The following ENO4 variants were observed in gnomAD, a reference collection of about 807,000 sequenced individuals.
ENO4 encodes 2-phospho-D-glycerate hydro-lyase.
Under a neutral mutation model 63.2 loss-of-function variants are expected in ENO4, and 53 were observed. That is an observed-to-expected ratio of 0.84 (90% CI 0.67 to 1.05). The LOEUF (loss-of-function observed/expected upper bound fraction) is 1.05. ENO4 is among the 50% of genes least tolerant of loss of function. The pLI, the probability that ENO4 is intolerant of heterozygous loss-of-function variation, is 0.00. For synonymous variants in ENO4, 266 were observed against 283.8 expected (o/e 0.94, Z 0.63); for missense variants, 719 against 772.0 (o/e 0.93, Z 0.81).
chr10:116,911,566 A>C (rs1010984739), exon 11 of ENO4: 3 of 1,550,818 alleles, frequency 1.9e-6, no homozygotes, highest in Non-Finnish European at 2.6e-6. Context: ...CTTTGGTGAA[A>C]GTGTAACCAC....
At position 116,860,871 on chromosome 10, in the gene ENO4, ATAGGGGC is replaced by A. The variant is rs1846390833; in HGVS notation, c.713_719del (p.Ile238ThrfsTer4). 1 of 1,549,852 alleles carries A rather than the reference ATAGGGGC, an allele frequency of 6.5e-7. No individual in the cohort carries two copies. The highest frequency in any genetic ancestry group is 8.7e-7 in the Non-Finnish European group (1 of 1,146,504). ...GCCTGTACTCAGTGGCAGTATGGCC[ATAGGGGC>A]CGTGTCACTAGCTGTTGCCAAAGCC... is the stretch of plus-strand genomic sequence containing the variant. On this transcript the variant is annotated frameshift_variant, in exon 5 of 14. Transcript: ENST00000341276. LOFTEE classifies it high-confidence loss of function.
Position 116,859,012 on chromosome 10 carries a change from CAAG to C in ENO4, c.513_515del (p.Glu171del). On this transcript the variant is annotated inframe_deletion, in exon 4 of 14. Transcript: ENST00000341276. ...AAGGATATTCTTCGCAAGTAAAGTA[CAAG>C]AAGATAAGGGGAGAAAAGAATTGGA... 1 of 1,534,828 alleles carries C rather than the reference CAAG, an allele frequency of 6.5e-7. No individual in the cohort carries two copies. Among genetic ancestry groups the C allele is most frequent in the Non-Finnish European group, 8.7e-7 (1 of 1,146,198 alleles).
downstream of ENO4, chr10:116,886,656 C>A: frequency 6.5e-7 from 1 of 1,542,426 alleles, no homozygotes; most frequent in Non-Finnish European, 8.8e-7. Flanking sequence ...AACATAAAAC[C>A]CAAAATGTTC....
At chr10:116,861,974 G>A (rs1399853904) in intron 6 of ENO4, among the ~76,000 whole-genome samples, 1 of 152,152 alleles carries the variant, frequency 6.6e-6, no homozygotes, top group Non-Finnish European at 1.5e-5. Flanking sequence ...CTGGTGTCAG[G>A]ATCTTTCCTT....
rs550364224 is a variant in ENO4, at chr10:116,862,932, T to A, written c.990+80T>A. 30 of 983,200 alleles carry A rather than the reference T, an allele frequency of 3.1e-5. No homozygotes were observed. In the African/African-American group the frequency reaches 4.7e-4, roughly 15 times the overall value. The allele number at this position is 983,200 out of a possible 1,614,324, so 60.9% of individuals were successfully genotyped here. A position where few individuals can be genotyped will look rare whatever the true frequency, so the allele number is the denominator to read the frequency against. ...ATGCAACTTGTAGTTCATTTGGACT[T>A]AAATCAATTGTGGTTGATATGGAGA... On this transcript the variant is annotated intron_variant, in intron 7 of 13. Coordinates refer to ENST00000341276, the MANE Select transcript of ENO4 (RefSeq NM_001242699.2).
chr10:116,862,273 G>A (rs1276810633), intron 6 of ENO4, among the ~76,000 whole-genome samples: 1 of 151,990 alleles, frequency 6.6e-6, no homozygotes, highest in African/African-American at 2.4e-5. Flanking sequence ...AGACCAGCCT[G>A]GCCAACATGG....
At chr10:116,863,356 T>TCACACA (rs10646641) in intron 7 of ENO4, among the ~76,000 whole-genome samples, 66,579 of 147,148 alleles carry the variant, frequency 0.45, 15,324 homozygotes, top group Non-Finnish European at 0.53. Flanking sequence ...CTGTGGGGCT[T>TCACACA]CACACACACA....
intron 11 of ENO4, 29 bp from the exon 12 acceptor site, chr10:116,879,262 T>A (rs1206567375): frequency 6.6e-7 from 1 of 1,518,016 alleles, no homozygotes; most frequent in East Asian, 2.5e-5. Context: ...TTCTACACCA[T>A]ATAAAACTGA....
chr10:116,897,906 C>G (rs1194854070), intron 10 of ENO4, among the ~76,000 whole-genome samples: 1 of 152,134 alleles, frequency 6.6e-6, no homozygotes, highest in Non-Finnish European at 1.5e-5. Flanking sequence ...TGTTACTCCC[C>G]CTCCCGTCTA....
At chr10:116,900,580 A>T in intron 10 of ENO4, 1 of 1,532,232 alleles carries the variant, frequency 6.5e-7, no homozygotes, top group Non-Finnish European at 8.7e-7. Flanking sequence ...ATACACACAC[A>T]CTGAAGCATT....
At chr10:116,872,617 TTTAC>T (rs751017343) in intron 9 of ENO4, among the ~76,000 whole-genome samples, 4 of 152,180 alleles carry the variant, frequency 2.6e-5, no homozygotes, top group Non-Finnish European at 5.9e-5. Context: ...ACCTCTTTCC[TTTAC>T]AAATTACTCA....
At chr10:116,902,054 G>A (rs553301322) in intron 10 of ENO4, 1 of 1,091,140 alleles carries the variant, frequency 9.2e-7, no homozygotes. Context: ...CTCAAGAAGT[G>A]AAAAGGCCAA....
intron 10 of ENO4, chr10:116,911,367 T>C (rs2133346572): frequency 8.2e-7 from 1 of 1,212,546 alleles, no homozygotes; most frequent in East Asian, 2.6e-5. Flanking sequence ...ACTGTGACCC[T>C]GATATGAAGC....
chr10:116,905,208 CAAAA>C (rs772309175), intron 10 of ENO4, among the ~76,000 whole-genome samples: 1 of 63,416 alleles, frequency 1.6e-5, no homozygotes. Context: ...GACTCCGTCT[CAAAA>C]AAAAAAAAAA....
At chr10:116,896,966 C>G (rs753541953) in intron 10 of ENO4, among the ~76,000 whole-genome samples, 11 of 152,104 alleles carry the variant, frequency 7.2e-5, no homozygotes, top group Non-Finnish European at 1.5e-4. Flanking sequence ...GCCACCACAC[C>G]CAACTAATTT....
chr10:116,893,520 GTTT>G (rs1847405484), intron 10 of ENO4, among the ~76,000 whole-genome samples: 1 of 143,778 alleles, frequency 7.0e-6, no homozygotes, highest in African/African-American at 2.6e-5. Flanking sequence ...AGAAACAAAT[GTTT>G]ACTAAGTACA....
chr10:116,883,919 G>GAA, downstream of ENO4: 2 of 193,302 alleles, frequency 1.0e-5, no homozygotes, highest in South Asian at 6.9e-5. Context: ...TATTCTTCCA[G>GAA]AAAAAAAAAG....
chr10:116,852,663 C>T (rs1470341687), intron 1 of ENO4, among the ~76,000 whole-genome samples: 1 of 152,176 alleles, frequency 6.6e-6, no homozygotes, highest in Non-Finnish European at 1.5e-5. Flanking sequence ...GGAATCTAGT[C>T]ATCATGCTGT....
chr10:116,901,500 A>C, intron 10 of ENO4: 1 of 985,186 alleles, frequency 1.0e-6, no homozygotes, highest in Non-Finnish European at 1.2e-6. Flanking sequence ...TATCATCCAG[A>C]TCAATTATTT....
Sources: allele counts gnomAD v4.1 joint callset (sites outside exome capture counted in the v4.1 genomes callset), GRCh38; gene constraint gnomAD v4.1.1; transcripts MANE v1.5; gene names NCBI Gene and HGNC (gene_info 2026-07-23, HGNC 2026-07-21).